The following CEP128 variants were observed in gnomAD, a reference collection of about 807,000 sequenced individuals.
CEP128 encodes centrosomal protein 128.
Under a neutral mutation model 156.7 loss-of-function variants are expected in CEP128, and 132 were observed. The observed-to-expected ratio is 0.84, with a 90% CI of 0.73 to 0.97. The LOEUF is 0.97. Ranked by LOEUF, CEP128 falls within the 50% of genes least tolerant of loss-of-function variation. The pLI is 0.00. For missense variants in CEP128, 1,252 were observed against 1,281.9 expected (o/e 0.98, Z 0.36); for synonymous variants, 469 against 448.9 (o/e 1.04, Z -0.57).
intron 2 of CEP128, among the ~76,000 whole-genome samples, chr14:80,938,283 G>C (rs1195294170): frequency 1.6e-5 from 2 of 126,808 alleles, no homozygotes; most frequent in African/African-American, 3.0e-5. Flanking sequence ...GTCTTGCTCT[G>C]TCGCCCAGGC....
At chr14:80,610,924 T>C (rs2140581673) in intron 19 of CEP128, among the ~76,000 whole-genome samples, 1 of 152,218 alleles carries the variant, frequency 6.6e-6, no homozygotes, top group East Asian at 1.9e-4. Flanking sequence ...AAGTAAGATA[T>C]TGAACAGCGG....
intron 19 of CEP128, among the ~76,000 whole-genome samples, chr14:80,609,587 A>C (rs1004504389): frequency 1.3e-5 from 2 of 152,180 alleles, no homozygotes; most frequent in Admixed American, 6.6e-5. Context: ...TTATTGGAGC[A>C]GTCTGTGGCA....
chr14:80,884,682 G>A (rs1888713204), intron 8 of CEP128, among the ~76,000 whole-genome samples: 1 of 152,188 alleles, frequency 6.6e-6, no homozygotes, highest in African/African-American at 2.4e-5. Flanking sequence ...AGATTCTCTT[G>A]TGTGCCTTCA....
chr14:80,742,234 G>T (rs1234465507), intron 19 of CEP128, among the ~76,000 whole-genome samples: 2 of 151,940 alleles, frequency 1.3e-5, no homozygotes. Flanking sequence ...TTACATTTTT[G>T]ATTTTAAGAA....
downstream of CEP128, among the ~76,000 whole-genome samples, chr14:80,493,499 A>G (rs1887393509): frequency 6.6e-6 from 1 of 152,222 alleles, no homozygotes; most frequent in Admixed American, 6.5e-5. Context: ...AGCAAGGTCA[A>G]GTTCACATCC....
chr14:80,668,457 A>G (rs1895713584), intron 19 of CEP128, among the ~76,000 whole-genome samples: 1 of 152,230 alleles, frequency 6.6e-6, no homozygotes. Flanking sequence ...AGAGTAAATT[A>G]CAGAATTAGA....
intron 2 of CEP128, among the ~76,000 whole-genome samples, chr14:80,932,449 T>C (rs985406327): frequency 6.6e-6 from 1 of 152,236 alleles, no homozygotes; most frequent in African/African-American, 2.4e-5. Context: ...AACCTCTATA[T>C]GTTCTGGATT....
intron 8 of CEP128, chr14:80,894,558 A>AT (rs200699968): frequency 0.011 from 4,666 of 440,442 alleles, 194 homozygotes; most frequent in African/African-American, 0.088. Context: ...GCAAAAAAAA[A>AT]ATATATCTTG....
At chr14:80,658,174 G>C (rs1467449272) in intron 19 of CEP128, among the ~76,000 whole-genome samples, 1 of 152,140 alleles carries the variant, frequency 6.6e-6, no homozygotes, top group East Asian at 1.9e-4. Flanking sequence ...GTTTTAAAAA[G>C]GTAATTTGTC....
At chr14:80,635,505 T>C (rs1464424038) in intron 19 of CEP128, among the ~76,000 whole-genome samples, 1 of 152,230 alleles carries the variant, frequency 6.6e-6, no homozygotes, top group African/African-American at 2.4e-5. Flanking sequence ...ACTTGTTATA[T>C]AGTCCTTGAG....
intron 19 of CEP128, 64 bp from the exon 20 acceptor site, chr14:80,580,487 A>G: frequency 1.1e-6 from 1 of 900,104 alleles, no homozygotes; most frequent in South Asian, 1.5e-5. Context: ...TCTTATCATC[A>G]AATGCAATTC....
chr14:80,950,906 GAA>G (rs59969729), intron 2 of CEP128, among the ~76,000 whole-genome samples: 1,281 of 115,016 alleles, frequency 0.011, 17 homozygotes, highest in African/African-American at 0.029. Context: ...TCCCGAGTAA[GAA>G]AAAAAAAAAA....
At chr14:80,870,704 A>C (rs1423927470) in intron 8 of CEP128, among the ~76,000 whole-genome samples, 1 of 152,032 alleles carries the variant, frequency 6.6e-6, no homozygotes, top group East Asian at 1.9e-4. Context: ...GATGCCCAGT[A>C]TGAACACTTC....
At chr14:80,715,523 A>G (rs1053071959) in intron 19 of CEP128, among the ~76,000 whole-genome samples, 2 of 152,322 alleles carry the variant, frequency 1.3e-5, no homozygotes, top group South Asian at 4.1e-4. Flanking sequence ...AAAATGTGAG[A>G]GCAAGTTCAA....
chr14:80,495,146 A>T (rs986090997), downstream of CEP128, among the ~76,000 whole-genome samples: 10 of 152,206 alleles, frequency 6.6e-5, no homozygotes, highest in Non-Finnish European at 1.0e-4. Context: ...CCAATGTCCC[A>T]GTGCTACAAG....
At chr14:80,535,615 TCACA>T (rs34455428) in intron 21 of CEP128, among the ~76,000 whole-genome samples, 4 of 149,682 alleles carry the variant, frequency 2.7e-5, no homozygotes, top group Non-Finnish European at 4.4e-5. Context: ...ATGCACACAC[TCACA>T]CACACACACA....
At chr14:80,760,286 A>G (rs1482634671) in intron 17 of CEP128, among the ~76,000 whole-genome samples, 2 of 152,106 alleles carry the variant, frequency 1.3e-5, no homozygotes, top group Non-Finnish European at 2.9e-5. Flanking sequence ...AAAATTGTAA[A>G]TGGGAATACA....
chr14:80,535,705 C>T (rs754283551), intron 21 of CEP128, among the ~76,000 whole-genome samples: 1 of 152,132 alleles, frequency 6.6e-6, no homozygotes, highest in Non-Finnish European at 1.5e-5. Flanking sequence ...ACTAACACTG[C>T]CTTTTCTTTT....
chr14:80,858,984 T>A lies in CEP128; in HGVS notation c.762+3773A>T, dbSNP rs1243125412. On this transcript the variant is annotated intron_variant, in intron 9 of 24. Transcript: ENST00000555265. Reference sequence around the variant, plus strand: ...CTAGTTCAACCATTGTGGAAGTCAGTGTGGCGATTCCTCAGGGATCTAGAA... The same window carrying A: ...CTAGTTCAACCATTGTGGAAGTCAGAGTGGCGATTCCTCAGGGATCTAGAA... Among the ~76,000 whole-genome samples the A allele has an allele frequency of 2.0e-5, 3 of 152,102 alleles. No individual in the cohort carries two copies. In the South Asian group the frequency reaches 6.2e-4, roughly 32 times the overall value.
Sources: gnomAD v4.1 joint callset for allele counts (sites outside exome capture counted in the v4.1 genomes callset) on GRCh38, gnomAD v4.1.1 for gene constraint, MANE v1.5 for transcripts, NCBI Gene and HGNC (gene_info 2026-07-23, HGNC 2026-07-21) for gene names.